The following ANKHD1 variants were observed in gnomAD, a reference collection of about 807,000 sequenced individuals.
ANKHD1 encodes the protein ankyrin repeat and KH domain containing 1.
Under a neutral mutation model 230.5 loss-of-function variants are expected in ANKHD1, and 31 were observed. The observed-to-expected ratio is 0.13, with a 90% CI of 0.10 to 0.18. The LOEUF is 0.18. Ranked by LOEUF, ANKHD1 falls within the 10% of genes least tolerant of loss-of-function variation. The pLI is 1.00. For missense variants in ANKHD1, 2,256 were observed against 3,071.3 expected (o/e 0.73, Z 6.27); for synonymous variants, 1,074 against 1,117.6 (o/e 0.96, Z 0.78).
intron 1 of ANKHD1, 58 bp downstream of exon 1, chr5:140,402,331 A>G (rs1466465237): frequency 7.1e-7 from 1 of 1,414,242 alleles, no homozygotes; most frequent in Non-Finnish European, 9.2e-7. Flanking sequence ...CTCTTTGGGT[A>G]GGCTCTGGGC....
In ANKHD1 at chr5:140,468,784, G is replaced by A. The variant is rs570463724; in HGVS notation, c.1782+4008G>A. Among the ~76,000 whole-genome samples the A allele has an allele frequency of 5.3e-5, 8 of 152,012 alleles. No individual in the cohort carries two copies. In the South Asian group the frequency reaches 1.2e-3, roughly 24 times the overall value. The stretch of plus-strand genomic sequence containing the variant: ...TATAATTTATTAACCATTTATCTAC[G>A]CATAAACACCTGAGTTAATAGTTTT... On this transcript the variant is annotated intron_variant, in intron 10 of 33. Coordinates refer to ENST00000360839, the MANE Select transcript of ANKHD1 (RefSeq NM_017747.3).
At chr5:140,487,103 C>A (rs1320503164) in intron 14 of ANKHD1, 43 bp downstream of exon 14, 11 of 1,572,508 alleles carry the variant, frequency 7.0e-6, no homozygotes, top group Non-Finnish European at 9.5e-6. Context: ...TATTTTTTCA[C>A]CTAATTGATA....
chr5:140,510,279 C>A (rs974239606), intron 22 of ANKHD1, 98 bp downstream of exon 22: 57 of 1,251,152 alleles, frequency 4.6e-5, no homozygotes, highest in Non-Finnish European at 4.2e-5. Flanking sequence ...GAGTATATTT[C>A]CATAGAAAAA....
rs146480393 is a variant in ANKHD1, at chr5:140,424,219, T to TAG, written c.307-11863_307-11862dup. On this transcript the variant is annotated intron_variant, in intron 1 of 33. Coordinates refer to ENST00000360839, the MANE Select transcript of ANKHD1 (RefSeq NM_017747.3). ...AATAATACTAGCTACTATATATATA[T>TAG]AGAGAGAGAGAGAGAGAGAGAGACA... Among the ~76,000 whole-genome samples the TAG allele has an allele frequency of 2.1e-3, 309 of 149,634 alleles. 1 individual carries two copies. Among genetic ancestry groups the TAG allele is most frequent in the African/African-American group, 3.7e-3 (153 of 40,854 alleles).
In ANKHD1 at chr5:140,426,342, T is replaced by C. The variant is rs191235893; in HGVS notation, c.307-9762T>C. Among the ~76,000 whole-genome samples, 242 of 152,274 alleles carry C rather than the reference T, an allele frequency of 1.6e-3. 1 individual carries two copies. The highest frequency in any genetic ancestry group is 5.7e-3 in the African/African-American group (235 of 41,572). On this transcript the variant is annotated intron_variant, in intron 1 of 33. Transcript: ENST00000360839. ...CAGGATTTTGCCATGTTGCCCAGGC[T>C]GGTCTTGAACTCCTAACCTCAGGTG...
chr5:140,487,830 C>G (rs1330322403), intron 14 of ANKHD1, among the ~76,000 whole-genome samples: 1 of 152,108 alleles, frequency 6.6e-6, no homozygotes, highest in Admixed American at 6.5e-5. Context: ...GTATGATAAT[C>G]AAGTCCTAGA....
Position 140,436,090 on chromosome 5 carries a change from T to C in ANKHD1, c.307-14T>C. 1.3e-6 allele frequency: 2 copies of C among 1,532,654 alleles called. No individual in the cohort carries two copies. Among genetic ancestry groups the C allele is most frequent in the Non-Finnish European group, 1.8e-6 (2 of 1,140,398 alleles). The allele number at this position is 1,532,654 out of a possible 1,614,324, so 94.9% of individuals were successfully genotyped here. ...ATCAGTTTCATGGATATTGCATCTTTATTTCATTAACAGGTTGAATCATTT... is the reference window on the plus strand; with the variant it reads ...ATCAGTTTCATGGATATTGCATCTTCATTTCATTAACAGGTTGAATCATTT... On this transcript the variant is annotated splice_polypyrimidine_tract_variant and intron_variant, in intron 1 of 33. Coordinates refer to ENST00000360839, the MANE Select transcript of ANKHD1 (RefSeq NM_017747.3).
Position 140,402,225 on chromosome 5 carries a change from C to A in ANKHD1, c.258C>A (p.Thr86=). 6.6e-7 allele frequency: 1 copy of A among 1,520,412 alleles called. No homozygotes were observed. Among genetic ancestry groups the A allele is most frequent in the Non-Finnish European group, 8.8e-7 (1 of 1,138,786 alleles). 94.2% of individuals were successfully genotyped at this position (1,520,412 alleles called of 1,614,324 possible). Residue 86 remains threonine, a synonymous_variant, in exon 1 of 34, where the codon ACC becomes ACA. Transcript: ENST00000360839. Reference sequence around the variant, plus strand: ...AGTTGGCGGCTGCCGTGCTGAGGACCGGGGGTGGAGGTGGTGCCTCTGGCA... The same window carrying A: ...AGTTGGCGGCTGCCGTGCTGAGGACAGGGGGTGGAGGTGGTGCCTCTGGCA... ...DFKLAAAVLR[T]GGGGGASGSD...
At chr5:140,513,532 G>A (rs1752851400) in intron 24 of ANKHD1, 53 bp downstream of exon 24, 6 of 1,568,516 alleles carry the variant, frequency 3.8e-6, no homozygotes, top group Non-Finnish European at 5.2e-6. Context: ...GTGGGGGCCG[G>A]GCACGGTGGC....
intron 11 of ANKHD1, among the ~76,000 whole-genome samples, chr5:140,483,545 C>T (rs1477774745): frequency 1.3e-5 from 2 of 150,704 alleles, no homozygotes. Flanking sequence ...GCAACCTCCG[C>T]CTCCCGGGTT....
chr5:140,539,621 C>T lies in ANKHD1; in HGVS notation c.*203C>T, dbSNP rs908896691. 45 of 543,618 alleles carry T rather than the reference C, an allele frequency of 8.3e-5. No homozygotes were observed. Among genetic ancestry groups the T allele is most frequent in the African/African-American group, 7.7e-4 (40 of 52,284 alleles). 33.7% of individuals were successfully genotyped at this position (543,618 alleles called of 1,614,324 possible). ...AGTTTAGCCATTTTGAACTTAAGAT[C>T]ATATGACCTTAGTGCTTTTGGCTAA... On this transcript the variant is annotated 3_prime_UTR_variant, in exon 34 of 34. Coordinates refer to ENST00000360839, the MANE Select transcript of ANKHD1 (RefSeq NM_017747.3).
At chr5:140,492,797 A>AT (rs1379398479) in intron 14 of ANKHD1, among the ~76,000 whole-genome samples, 3 of 152,088 alleles carry the variant, frequency 2.0e-5, no homozygotes, top group Non-Finnish European at 4.4e-5. Context: ...ATTGGCCATT[A>AT]TTTTTCCATT....
At chr5:140,535,805 C>A in intron 30 of ANKHD1, 1 of 244,448 alleles carries the variant, frequency 4.1e-6, no homozygotes, top group Non-Finnish European at 7.1e-6. Flanking sequence ...ACCTGTAATC[C>A]CAGCACTTTG....
intron 1 of ANKHD1, among the ~76,000 whole-genome samples, chr5:140,434,773 C>A (rs1773315452): frequency 6.6e-6 from 1 of 151,984 alleles, no homozygotes; most frequent in Admixed American, 6.6e-5. Context: ...TGTAAATGTA[C>A]AACATGTATT....
At chr5:140,463,068 C>A (rs550967672) in intron 9 of ANKHD1, among the ~76,000 whole-genome samples, 1 of 152,094 alleles carries the variant, frequency 6.6e-6, no homozygotes, top group African/African-American at 2.4e-5. Flanking sequence ...AGGCTGATCT[C>A]AAAGTCTTGG....
intron 7 of ANKHD1, 27 bp from the exon 8 acceptor site, chr5:140,458,595 CCTT>C (rs771319947): frequency 6.0e-5 from 94 of 1,569,702 alleles, no homozygotes; most frequent in Admixed American, 3.5e-4. Context: ...AAATTTCTCT[CCTT>C]CTTTCTTTAC....
chr5:140,460,650 A>T (rs1775636993), intron 9 of ANKHD1, among the ~76,000 whole-genome samples: 1 of 151,992 alleles, frequency 6.6e-6, no homozygotes, highest in African/African-American at 2.4e-5. Flanking sequence ...CCTCCCAGGT[A>T]GCTGGGACTA....
chr5:140,428,856 C>T (rs932402240), intron 1 of ANKHD1, among the ~76,000 whole-genome samples: 6 of 151,724 alleles, frequency 4.0e-5, no homozygotes, highest in Non-Finnish European at 5.9e-5. Flanking sequence ...GATCTTGGCT[C>T]ACTGCAACCT....
At position 140,527,094 on chromosome 5, in the gene ANKHD1, T is replaced by C. The variant is rs201107232; in HGVS notation, c.5087+20T>C. On this transcript the variant is annotated intron_variant, in intron 27 of 33. Coordinates refer to ENST00000360839, the MANE Select transcript of ANKHD1 (RefSeq NM_017747.3). This position sits in a 1 kb window ranked among gnomAD's most constrained non-coding sequence, Gnocchi z 4.5. ...ACGAAGGTAAATAGAATTAGTTCCA[T>C]CTTTTTAGCTTTCATATATTTTCCC... 4 of 1,597,828 alleles carry C rather than the reference T, an allele frequency of 2.5e-6. No homozygotes were observed. The East Asian group carries it at 6.8e-5, about 27-fold the overall frequency.
Sources: gnomAD v4.1 joint callset for allele counts (sites outside exome capture counted in the v4.1 genomes callset) on GRCh38, gnomAD v4.1.1 for gene constraint, Gnocchi (gnomAD v3.1) non-coding constraint, MANE v1.5 for transcripts, NCBI Gene and HGNC (gene_info 2026-07-23, HGNC 2026-07-21) for gene names.